Variants in NRG3 observed in about 807,000 individuals in gnomAD.
NRG3 encodes neuregulin 3.
In NRG3, 31 loss-of-function variants were observed where a neutral mutation model predicts 66.9. The observed-to-expected ratio is 0.46, with a 90% CI of 0.35 to 0.63. The LOEUF is 0.63. Ranked by LOEUF, NRG3 falls within the 20% of genes least tolerant of loss-of-function variation. The probability of loss-of-function intolerance (pLI) is 0.00; values close to 1 mark genes in which losing one functional copy is unlikely to be tolerated. For synonymous variants in NRG3, 393 were observed against 359.4 expected (o/e 1.09, Z -1.06); for missense variants, 910 against 878.9 (o/e 1.04, Z -0.45).
At chr10:82,056,931 A>G (rs1288235369) in intron 1 of NRG3, among the ~76,000 whole-genome samples, 1 of 152,108 alleles carries the variant, frequency 6.6e-6, no homozygotes, top group East Asian at 1.9e-4. Flanking sequence ...CTGCAATTTC[A>G]GTAGGATTTA....
intron 3 of NRG3, among the ~76,000 whole-genome samples, chr10:82,768,001 G>A (rs141839863): frequency 3.0e-3 from 452 of 152,026 alleles, no homozygotes; most frequent in Admixed American, 6.1e-3. Flanking sequence ...ATTTTAAGAT[G>A]CTTGACTTGG....
chr10:82,356,838 TA>T (rs2083817782), intron 1 of NRG3, among the ~76,000 whole-genome samples: 1 of 152,256 alleles, frequency 6.6e-6, no homozygotes, highest in African/African-American at 2.4e-5. Flanking sequence ...CGTTAACTTT[TA>T]TAAAATTATA....
intron 3 of NRG3, among the ~76,000 whole-genome samples, chr10:82,848,088 T>A (rs2135807274): frequency 6.6e-6 from 1 of 152,330 alleles, no homozygotes; most frequent in African/African-American, 2.4e-5. Context: ...TAAATTGGCC[T>A]TTGCTGCACT....
chr10:82,677,041 T>C (rs564514026), intron 2 of NRG3, among the ~76,000 whole-genome samples: 2 of 150,750 alleles, frequency 1.3e-5, no homozygotes, highest in East Asian at 3.9e-4. Flanking sequence ...TTTCTTTCTT[T>C]CTTTCTCTCT....
chr10:82,631,673 C>T (rs1016628985), intron 2 of NRG3, among the ~76,000 whole-genome samples: 2 of 150,928 alleles, frequency 1.3e-5, no homozygotes, highest in Non-Finnish European at 2.9e-5. Flanking sequence ...CTCATGTTCT[C>T]ATAAGGCAAG....
chr10:82,547,720 C>G (rs2044020908), intron 2 of NRG3, among the ~76,000 whole-genome samples: 1 of 151,960 alleles, frequency 6.6e-6, no homozygotes, highest in Non-Finnish European at 1.5e-5. Flanking sequence ...TTTTCCCATT[C>G]AAGTCTAGAA....
intron 7 of NRG3, among the ~76,000 whole-genome samples, chr10:82,975,310 A>G (rs193128734): frequency 1.9e-4 from 29 of 152,344 alleles, no homozygotes; most frequent in Non-Finnish European, 2.9e-5. Flanking sequence ...ATTCAGTATA[A>G]TATCATTCTA....
chr10:82,363,510 C>T (rs1042737372), intron 2 of NRG3, among the ~76,000 whole-genome samples: 32 of 152,304 alleles, frequency 2.1e-4, no homozygotes, highest in Admixed American at 1.8e-3. Flanking sequence ...GGCTGGAGTG[C>T]GGTGGCGTGA....
intron 4 of NRG3, among the ~76,000 whole-genome samples, chr10:82,913,214 G>C (rs1290441002): frequency 6.6e-6 from 1 of 151,858 alleles, no homozygotes; most frequent in Non-Finnish European, 1.5e-5. Context: ...GACAGAGCGA[G>C]ACTCAATATT....
chr10:82,506,532 C>G (rs913853489), intron 2 of NRG3, among the ~76,000 whole-genome samples: 4 of 151,922 alleles, frequency 2.6e-5, no homozygotes, highest in African/African-American at 7.3e-5. Context: ...TCTTCCTTCC[C>G]TCTCTCCCTT....
chr10:82,763,818 A>G (rs2059415457), intron 3 of NRG3, among the ~76,000 whole-genome samples: 1 of 152,230 alleles, frequency 6.6e-6, no homozygotes, highest in Non-Finnish European at 1.5e-5. Context: ...CAAGTAAAAT[A>G]TGTGTATTAG....
chr10:82,072,178 CT>C (rs1344779517), intron 1 of NRG3, among the ~76,000 whole-genome samples: 1 of 152,190 alleles, frequency 6.6e-6, no homozygotes, highest in Non-Finnish European at 1.5e-5. Context: ...ACAGTACTTA[CT>C]TTTCTCACCT....
At chr10:82,250,400 C>T (rs1215939914) in intron 1 of NRG3, among the ~76,000 whole-genome samples, 3 of 152,080 alleles carry the variant, frequency 2.0e-5, no homozygotes, top group African/African-American at 7.2e-5. Flanking sequence ...GCCTGGCCAA[C>T]ATAGTGAAAC....
At chr10:81,995,417 G>A (rs759655819) in intron 1 of NRG3, among the ~76,000 whole-genome samples, 2 of 152,084 alleles carry the variant, frequency 1.3e-5, no homozygotes, top group Non-Finnish European at 2.9e-5. Context: ...TGTTGTGGCC[G>A]GAATGCATGT....
intron 1 of NRG3, among the ~76,000 whole-genome samples, chr10:81,938,638 T>C (rs1006736348): frequency 2.4e-4 from 36 of 151,210 alleles, no homozygotes; most frequent in Admixed American, 1.4e-3. Flanking sequence ...TGTGTGTGTG[T>C]GTGCATGCAT....
rs145285141 is a variant in NRG3 at position 82,081,302 on chromosome 10, A to G, written c.823+205139A>G. ...GATGGAATTATCTGTTGCAGACAAG[A>G]ACACAAAGATAGCTTTCTTCATTTA... On this transcript the variant is annotated intron_variant, in intron 1 of 8. Coordinates refer to ENST00000372141, the MANE Select transcript of NRG3 (RefSeq NM_001010848.4). Among the ~76,000 whole-genome samples, 970 of 152,316 alleles carry G rather than the reference A, an allele frequency of 6.4e-3. 3 individuals carry two copies. Among genetic ancestry groups the G allele is most frequent in the Non-Finnish European group, 0.01 (688 of 68,034 alleles).
intron 1 of NRG3, among the ~76,000 whole-genome samples, chr10:82,011,413 A>G (rs990934042): frequency 7.2e-5 from 11 of 152,176 alleles, no homozygotes; most frequent in African/African-American, 2.4e-4. Flanking sequence ...GTGGGGACAC[A>G]GAGCCAACCA....
chr10:82,612,666 G>A (rs2048386912), intron 2 of NRG3, among the ~76,000 whole-genome samples: 1 of 151,962 alleles, frequency 6.6e-6, no homozygotes, highest in South Asian at 2.1e-4. Context: ...GAGATATATT[G>A]ATTTTATTTT....
intron 1 of NRG3, among the ~76,000 whole-genome samples, chr10:81,957,541 T>C (rs1189700115): frequency 6.6e-6 from 1 of 152,242 alleles, no homozygotes; most frequent in Non-Finnish European, 1.5e-5. Context: ...ATGTATTTTA[T>C]TTTACTTCCG....
Sources: allele counts gnomAD v4.1 joint callset (sites outside exome capture counted in the v4.1 genomes callset), GRCh38; gene constraint gnomAD v4.1.1; transcripts MANE v1.5; gene names NCBI Gene and HGNC (gene_info 2026-07-23, HGNC 2026-07-21).